Variants in PCDHA4 observed in about 807,000 individuals in gnomAD.
PCDHA4 encodes the protein protocadherin alpha 4.
PCDHA4 carries 49 observed loss-of-function variants against 61.4 expected under a neutral mutation model. The ratio of observed to expected loss-of-function variants is 0.80; its 90% CI spans 0.63 to 1.01. PCDHA4 has a LOEUF of 1.01. Among genes scored for constraint, PCDHA4 ranks in the 50% least tolerant of loss-of-function variants. The probability of loss-of-function intolerance (pLI) is 0.00; values close to 1 mark genes in which losing one functional copy is unlikely to be tolerated. For synonymous variants in PCDHA4, 590 were observed against 550.3 expected (o/e 1.07, Z -1.01); for missense variants, 1,254 against 1,235.8 (o/e 1.01, Z -0.22).
At chr5:140,877,155 C>T in intron 1 of PCDHA4, 2 of 1,613,798 alleles carry the variant, frequency 1.2e-6, no homozygotes, top group Non-Finnish European at 1.7e-6. Context: ...AGAACGACAA[C>T]GCGCCGGCAC....
chr5:140,924,531 G>A (rs1194516404), intron 1 of PCDHA4, among the ~76,000 whole-genome samples: 2 of 152,070 alleles, frequency 1.3e-5, no homozygotes, highest in African/African-American at 2.4e-5. Flanking sequence ...GAGAATGCCC[G>A]AGCTACCCCT....
chr5:140,914,772 C>T lies in PCDHA4; in HGVS notation c.2386-64177C>T, dbSNP rs143748722. On this transcript the variant is annotated intron_variant, in intron 1 of 3. Transcript: ENST00000530339. ...ATTTGAGGTTACATGAGGTTTATGA[C>T]TTATCTTATGACCCATTATTTTAAA... Among the ~76,000 whole-genome samples, 1,217 of 151,940 alleles carry T rather than the reference C, an allele frequency of 8.0e-3. 6 individuals are homozygous for T. The highest frequency in any genetic ancestry group is 0.019 in the African/African-American group (786 of 41,464).
At chr5:141,008,352 A>C (rs549122044) in intron 3 of PCDHA4, among the ~76,000 whole-genome samples, 2 of 152,322 alleles carry the variant, frequency 1.3e-5, no homozygotes, top group South Asian at 4.1e-4. Flanking sequence ...TTCACGTGTC[A>C]ACCAAAGGAG....
At chr5:140,959,624 AAAAG>A (rs2095502972) in intron 1 of PCDHA4, among the ~76,000 whole-genome samples, 1 of 152,220 alleles carries the variant, frequency 6.6e-6, no homozygotes, top group Non-Finnish European at 1.5e-5. Context: ...GTGATAGAAA[AAAAG>A]AGAGAAAAAA....
At chr5:140,915,995 C>T (rs1256886751) in intron 1 of PCDHA4, among the ~76,000 whole-genome samples, 4 of 152,180 alleles carry the variant, frequency 2.6e-5, no homozygotes, top group African/African-American at 4.8e-5. Context: ...TAAGCTGGCA[C>T]TCAAACCACA....
intron 1 of PCDHA4, among the ~76,000 whole-genome samples, chr5:140,890,373 T>A (rs868994302): frequency 2.4e-4 from 37 of 152,196 alleles, no homozygotes; most frequent in African/African-American, 7.5e-4. Context: ...CCTGAACAAG[T>A]ACTCTTTCTT....
intron 1 of PCDHA4, chr5:140,835,816 C>G (rs1554135300): frequency 6.2e-7 from 1 of 1,612,730 alleles, no homozygotes; most frequent in Non-Finnish European, 8.5e-7. Flanking sequence ...TTCACTGTGT[C>G]GGCGGGGGAC....
At chr5:140,901,474 T>C (rs2068694853) in intron 1 of PCDHA4, among the ~76,000 whole-genome samples, 1 of 152,216 alleles carries the variant, frequency 6.6e-6, no homozygotes, top group Admixed American at 6.5e-5. Context: ...CTCGAGTTTA[T>C]GTTCTTGGCA....
intron 1 of PCDHA4, among the ~76,000 whole-genome samples, chr5:140,838,775 A>T (rs1233397292): frequency 2.0e-5 from 3 of 151,986 alleles, no homozygotes; most frequent in Non-Finnish European, 4.4e-5. Context: ...TTGTAAAATT[A>T]GCTATGCATG....
rs530482397 is a variant in PCDHA4, at chr5:140,923,460, T to C, written c.2386-55489T>C. ...GGAGGATCACCTGAGCCCAGAGAGG[T>C]AGGGGCTGCAGTGAGCCATCTTCAC... On this transcript the variant is annotated intron_variant, in intron 1 of 3. Coordinates refer to ENST00000530339, the MANE Select transcript of PCDHA4 (RefSeq NM_018907.4). Among the ~76,000 whole-genome samples, 704 of 151,994 alleles carry C rather than the reference T, an allele frequency of 4.6e-3. 3 individuals carry two copies. Among genetic ancestry groups the C allele is most frequent in the African/African-American group, 0.016 (681 of 41,446 alleles).
intron 3 of PCDHA4, among the ~76,000 whole-genome samples, chr5:140,983,792 ATG>A (rs1384223147): frequency 6.6e-6 from 1 of 152,212 alleles, no homozygotes; most frequent in Non-Finnish European, 1.5e-5. Context: ...AGATGACAGA[ATG>A]TGTGTGTAAA....
At chr5:140,933,265 A>G (rs2088994304) in intron 1 of PCDHA4, among the ~76,000 whole-genome samples, 1 of 152,000 alleles carries the variant, frequency 6.6e-6, no homozygotes, top group East Asian at 1.9e-4. Context: ...AGGTTATTAT[A>G]TATTCATTTG....
At chr5:140,926,974 G>C (rs145276602) in intron 1 of PCDHA4, 2 of 1,610,140 alleles carry the variant, frequency 1.2e-6, no homozygotes, top group East Asian at 2.2e-5. Context: ...CTCAGTGCCG[G>C]AGGAGACGGA....
Position 140,931,736 on chromosome 5 carries a change from G to T in PCDHA4, c.2386-47213G>T, listed in dbSNP as rs550065133. On this transcript the variant is annotated intron_variant, in intron 1 of 3. Transcript: ENST00000530339. ...TAACTTCTATAAATATGGGGTATTT[G>T]TAATTCACAAAGGCATTTGTTATTT... is the stretch of plus-strand genomic sequence containing the variant. Among the ~76,000 whole-genome samples, 307 of 152,008 alleles carry T rather than the reference G, an allele frequency of 2.0e-3. 3 individuals carry two copies. The highest frequency in any genetic ancestry group is 7.2e-3 in the African/African-American group (300 of 41,524).
chr5:140,823,659 C>G (rs1562273954), intron 1 of PCDHA4: 4 of 1,613,984 alleles, frequency 2.5e-6, no homozygotes, highest in East Asian at 4.5e-5. Flanking sequence ...TGTACACAGG[C>G]GAGATCAGCA....
chr5:140,861,098 T>C (rs1334214171), intron 1 of PCDHA4: 1 of 152,426 alleles, frequency 6.6e-6, no homozygotes, highest in Non-Finnish European at 1.5e-5. Context: ...ATTGTTCCTG[T>C]ACTTTAAAAA....
intron 1 of PCDHA4, chr5:140,859,405 G>C (rs1222698496): frequency 4.0e-6 from 1 of 250,884 alleles, no homozygotes; most frequent in African/African-American, 2.3e-5. Context: ...ACAGGGTTGG[G>C]TTAGATGATA....
At chr5:140,883,343 A>G in intron 1 of PCDHA4, 1 of 1,614,142 alleles carries the variant, frequency 6.2e-7, no homozygotes, top group Non-Finnish European at 8.5e-7. Context: ...GTCACTCCCC[A>G]TCAGAGAAGA....
At chr5:140,827,461 C>T (rs1769301582) in intron 1 of PCDHA4, among the ~76,000 whole-genome samples, 1 of 152,194 alleles carries the variant, frequency 6.6e-6, no homozygotes, top group Admixed American at 6.5e-5. Context: ...TTAAGAGCAT[C>T]TGATATTTAT....
Sources: gnomAD v4.1 joint callset for allele counts (sites outside exome capture counted in the v4.1 genomes callset) on GRCh38, gnomAD v4.1.1 for gene constraint, MANE v1.5 for transcripts, NCBI Gene and HGNC (gene_info 2026-07-23, HGNC 2026-07-21) for gene names.